Variants in KRT7 observed in about 807,000 individuals in gnomAD.
KRT7 encodes the protein keratin, type II cytoskeletal 7.
KRT7 carries 50 observed loss-of-function variants against 42.8 expected under a neutral mutation model. That is an observed-to-expected ratio of 1.17 (90% CI 0.93 to 1.48). KRT7 has a LOEUF of 1.48. Among genes scored for constraint, KRT7 ranks in the 40% most tolerant of loss-of-function variants. The probability of loss-of-function intolerance (pLI) is 0.00; values close to 1 mark genes in which losing one functional copy is unlikely to be tolerated. For synonymous variants in KRT7, 268 were observed against 266.3 expected (o/e 1.01, Z -0.06); for missense variants, 588 against 637.6 (o/e 0.92, Z 0.84).
chr12:52,244,731 C>T, intron 6 of KRT7: 2 of 746,280 alleles, frequency 2.7e-6, no homozygotes, highest in African/African-American at 1.9e-5. Context: ...AAGCAGAGGG[C>T]ACTCTAAGGC....
downstream of KRT7, among the ~76,000 whole-genome samples, chr12:52,251,154 A>G (rs1273021326): frequency 6.6e-6 from 1 of 151,736 alleles, no homozygotes; most frequent in African/African-American, 2.4e-5. Flanking sequence ...TAATTTTTTT[A>G]TTTTTAGTAG....
chr12:52,248,728 G>T lies in KRT7; in HGVS notation c.1378G>T (p.Ala460Ser), dbSNP rs775879409. The change falls in exon 9 of 9, where the codon GCA becomes TCA. Residue 460 changes from alanine to serine, a missense_variant. By Grantham distance (99) the Ala-to-Ser change is moderately conservative (BLOSUM62 1). Coordinates refer to ENST00000331817, the MANE Select transcript of KRT7 (RefSeq NM_005556.4). ...CCTGAAGGCTTATTCCATCCGGACCGCATCCGCCAGTCGCAGGAGTGCCCG... is the reference window on the plus strand; with the variant it reads ...CCTGAAGGCTTATTCCATCCGGACCTCATCCGCCAGTCGCAGGAGTGCCCG... Reference protein sequence around the residue: ...GLLKAYSIRTASASRRSARD With the variant: ...GLLKAYSIRTSSASRRSARD 3.1e-6 allele frequency: 5 copies of T among 1,594,084 alleles called. No individual in the cohort carries two copies. Among genetic ancestry groups the T allele is most frequent in the African/African-American group, 1.3e-5 (1 of 74,362 alleles).
intron 6 of KRT7, chr12:52,244,338 C>T (rs1260194903): frequency 3.0e-6 from 3 of 985,550 alleles, no homozygotes; most frequent in Non-Finnish European, 3.6e-6. Context: ...ACCCTGCAGC[C>T]TCTACTACAT....
downstream of KRT7, chr12:52,252,061 T>G: frequency 2.6e-6 from 2 of 770,148 alleles, no homozygotes; most frequent in Non-Finnish European, 4.5e-6. Context: ...CACACAACCT[T>G]ATAGGGAAAG....
downstream of KRT7, among the ~76,000 whole-genome samples, chr12:52,249,897 C>G (rs1306845876): frequency 6.6e-6 from 1 of 152,110 alleles, no homozygotes; most frequent in Non-Finnish European, 1.5e-5. Context: ...AGTGGACCAG[C>G]AGCCACAGTG....
chr12:52,241,380 C>G, intron 4 of KRT7, 92 bp from the exon 5 acceptor site: 2 of 1,185,156 alleles, frequency 1.7e-6, no homozygotes. Flanking sequence ...CAGCTGTTCT[C>G]TCTTTTCTTT....
chr12:52,248,567 G>T, intron 8 of KRT7, 24 bp from the exon 9 acceptor site: 1 of 1,551,858 alleles, frequency 6.4e-7, no homozygotes. Context: ...ACGCTGAAGA[G>T]AGCCCTCCTC....
At position 52,233,489 on chromosome 12, in the gene KRT7, G is replaced by C. The variant is rs1462672234; in HGVS notation, c.193G>C (p.Glu65Gln). 9.3e-6 allele frequency: 15 copies of C among 1,610,746 alleles called. No individual in the cohort carries two copies. Among genetic ancestry groups the C allele is most frequent in the Middle Eastern group, 1.8e-4 (1 of 5,492 alleles). The change falls in exon 1 of 9, where the codon GAG becomes CAG. Residue 65 changes from glutamate (E) to glutamine (Q), a missense_variant. Coordinates refer to ENST00000331817, the MANE Select transcript of KRT7 (RefSeq NM_005556.4). ...GGGCCCGGTGGGCGCCGGCATCCGCGAGGTCACCATTAACCAGAGCCTGCT... is the reference window on the plus strand; with the variant it reads ...GGGCCCGGTGGGCGCCGGCATCCGCCAGGTCACCATTAACCAGAGCCTGCT... ...YGGPVGAGIR[E>Q]VTINQSLLAP...
In KRT7 at chr12:52,235,231, G is replaced by A. The variant is rs1340529098; in HGVS notation, c.401G>A (p.Ser134Asn). 2 of 1,614,086 alleles carry A rather than the reference G, an allele frequency of 1.2e-6. No individual in the cohort carries two copies. Among genetic ancestry groups the A allele is most frequent in the Non-Finnish European group, 1.7e-6 (2 of 1,180,026 alleles). ...CTGCAGGAGCAGAAGTCGGCCAAGA[G>A]CAGCCGCCTCCCAGACATCTTTGAG... ...TLLQEQKSAK[S>N]SRLPDIFEAQ... The change falls in exon 2 of 9, where the codon AGC (serine) becomes AAC (asparagine). Residue 134 changes from serine (S) to asparagine (N), a missense_variant. Transcript: ENST00000331817.
downstream of KRT7, among the ~76,000 whole-genome samples, chr12:52,251,228 C>G (rs977571753): frequency 6.6e-6 from 1 of 152,198 alleles, no homozygotes; most frequent in Non-Finnish European, 1.5e-5. Context: ...GATCCACCTG[C>G]CTTGGCCTCC....
intron 7 of KRT7, chr12:52,245,918 T>G (rs1357902681): frequency 7.0e-6 from 3 of 428,536 alleles, no homozygotes; most frequent in African/African-American, 6.1e-5. Context: ...CAGCACACAT[T>G]CAGGTAGTCA....
At chr12:52,247,496 A>G (rs1032031772) in intron 7 of KRT7, 1 of 152,436 alleles carries the variant, frequency 6.6e-6, no homozygotes, top group African/African-American at 2.4e-5. Context: ...CCACAGAGCA[A>G]ACTGATCCCC....
At chr12:52,247,057 G>A (rs1247594241) in intron 7 of KRT7, 2 of 152,136 alleles carry the variant, frequency 1.3e-5, no homozygotes, top group African/African-American at 4.8e-5. Context: ...AACCCTGGGG[G>A]GATATGGAGG....
chr12:52,254,440 G>T (rs527980375), downstream of KRT7: 15 of 553,556 alleles, frequency 2.7e-5, no homozygotes, highest in Non-Finnish European at 5.0e-5. Flanking sequence ...ACCAGGGAGG[G>T]GCACCCCATC....
intron 6 of KRT7, among the ~76,000 whole-genome samples, chr12:52,244,030 C>A (rs1233893470): frequency 1.3e-5 from 2 of 152,222 alleles, no homozygotes; most frequent in African/African-American, 4.8e-5. Flanking sequence ...GCCCCCAGCC[C>A]TGGCTGAGTA....
Position 52,241,507 on chromosome 12 carries a change from A to G in KRT7, c.729A>G (p.Thr243=). Reference sequence around the variant, plus strand: ...AGCTGCAGTCCCAGATCTCCGACACATCTGTGGTGCTGTCCATGGACAACA... The same window carrying G: ...AGCTGCAGTCCCAGATCTCCGACACGTCTGTGGTGCTGTCCATGGACAACA... ...LTELQSQISD[T]SVVLSMDNSR... is the part of the protein sequence containing the mutation. The change falls in exon 5 of 9, where the codon ACA becomes ACG. Residue 243 remains threonine, a synonymous_variant. Transcript: ENST00000331817. 6.2e-7 allele frequency: 1 copy of G among 1,613,750 alleles called. No individual in the cohort carries two copies. Among genetic ancestry groups the G allele is most frequent in the South Asian group, 1.1e-5 (1 of 91,002 alleles).
intron 6 of KRT7, chr12:52,244,556 CAG>C: frequency 3.0e-6 from 3 of 985,672 alleles, no homozygotes; most frequent in Non-Finnish European, 3.6e-6. Context: ...CTGTCTCTGG[CAG>C]AGAGGCAGAC....
chr12:52,249,117 G>A (rs1367764178), downstream of KRT7, among the ~76,000 whole-genome samples: 1 of 152,182 alleles, frequency 6.6e-6, no homozygotes, highest in East Asian at 1.9e-4. Context: ...TGATCCCAAA[G>A]ATTCTCCTGA....
chr12:52,245,770 G>A, intron 7 of KRT7, 138 bp downstream of exon 7: 1 of 1,090,036 alleles, frequency 9.2e-7, no homozygotes, highest in South Asian at 1.6e-5. Context: ...GGAACACAGA[G>A]CTGATGCTTG....
Sources: gnomAD v4.1 joint callset for allele counts (sites outside exome capture counted in the v4.1 genomes callset) on GRCh38, gnomAD v4.1.1 for gene constraint, MANE v1.5 for transcripts, NCBI Gene and HGNC (gene_info 2026-07-23, HGNC 2026-07-21) for gene names.